SLC30A1: variants seen among roughly 807,000 people sequenced by gnomAD.
SLC30A1 encodes proton-coupled zinc antiporter SLC30A1.
In SLC30A1, 7 loss-of-function variants were observed where a neutral mutation model predicts 29.8. That is an observed-to-expected ratio of 0.23 (90% CI 0.13 to 0.44). SLC30A1 has a LOEUF of 0.44. Among genes scored for constraint, SLC30A1 ranks in the 20% least tolerant of loss-of-function variants. The pLI is 1.00. For synonymous variants in SLC30A1, 254 were observed against 253.5 expected (o/e 1.00, Z -0.02); for missense variants, 446 against 647.9 (o/e 0.69, Z 3.38).
At position 211,571,706 on chromosome 1, in the gene SLC30A1, T is replaced by C. The variant is rs41283134; in HGVS notation, c.*3682A>G. The C allele has an allele frequency of 2.6e-5, 4 of 152,176 alleles. No homozygotes were observed. Among genetic ancestry groups the C allele is most frequent in the Non-Finnish European group, 5.9e-5 (4 of 67,966 alleles). The allele number at this position is 152,176 out of a possible 1,614,324, so 9.4% of individuals were successfully genotyped here. ...GTGAGGTAGGAACAGCTTTGGAAAA[T>C]AACACACAGTCATGAAAACATACAA... On this transcript the variant is annotated 3_prime_UTR_variant, in exon 2 of 2. Coordinates refer to ENST00000367001, the MANE Select transcript of SLC30A1 (RefSeq NM_021194.3).
chr1:211,575,489 T>TG lies in SLC30A1; in HGVS notation c.1422dup (p.Asn475GlnfsTer10). The TG allele has an allele frequency of 6.2e-7, 1 of 1,614,208 alleles. No homozygotes were observed. The highest frequency in any genetic ancestry group is 8.5e-7 in the Non-Finnish European group (1 of 1,179,986). On this transcript the variant is annotated frameshift_variant, in exon 2 of 2. Coordinates refer to ENST00000367001, the MANE Select transcript of SLC30A1 (RefSeq NM_021194.3). LOFTEE classifies it high-confidence loss of function. The surrounding 1 kb of genome is among the most constrained non-coding windows in gnomAD (Gnocchi z 6.0). ...GTCCTCCTGGGCTTCTTCTCTAGAT[T>TG]GTTACTAAGTTCTAAACAAGAAATG...
At chr1:211,576,366 T>C in intron 1 of SLC30A1, 77 bp from the exon 2 acceptor site, 1 of 1,026,064 alleles carries the variant, frequency 9.7e-7, no homozygotes, top group Non-Finnish European at 1.4e-6. Flanking sequence ...TCTTTTTAAG[T>C]GGTGATGAAG....
chr1:211,578,433 G>A lies in SLC30A1; in HGVS notation c.180C>T (p.Phe60=). The A allele has an allele frequency of 1.2e-6, 2 of 1,612,300 alleles. No individual in the cohort carries two copies. ...ALVVALVAER[F]ARRTHATQKN... ...TCTGGGTGGCGTGGGTCCGCCGGGC[G>A]AAGCGCTCGGCCACCAGCGCCACCA... is the stretch of plus-strand genomic sequence containing the variant. The change falls in exon 1 of 2, where the codon TTC becomes TTT. Residue 60 remains phenylalanine (F), a synonymous_variant. Transcript: ENST00000367001.
In SLC30A1 at chr1:211,577,961, C is replaced by A; in HGVS notation, c.622+30G>T. The A allele has an allele frequency of 6.2e-7, 1 of 1,611,216 alleles. No homozygotes were observed. Among genetic ancestry groups the A allele is most frequent in the Non-Finnish European group, 8.5e-7 (1 of 1,179,398 alleles). Reference sequence around the variant, plus strand: ...GAGGCTCTGGGCACCCCAAACCCAACCACCTGCGGCAGCGACTTTCCCGGC... The same window carrying A: ...GAGGCTCTGGGCACCCCAAACCCAAACACCTGCGGCAGCGACTTTCCCGGC... On this transcript the variant is annotated intron_variant, in intron 1 of 1. Coordinates refer to ENST00000367001, the MANE Select transcript of SLC30A1 (RefSeq NM_021194.3). This position sits in a 1 kb window ranked among gnomAD's most constrained non-coding sequence, Gnocchi z 4.5.
At position 211,576,080 on chromosome 1, in the gene SLC30A1, C is replaced by T; in HGVS notation, c.832G>A (p.Glu278Lys). The T allele has an allele frequency of 6.2e-7, 1 of 1,613,246 alleles. No individual in the cohort carries two copies. The highest frequency in any genetic ancestry group is 8.5e-7 in the Non-Finnish European group (1 of 1,179,704). ...VFYFSWKGCS[E>K]GDFCVNPCFP... ...CATGGATTCACACAAAAATCCCCTT[C>T]AGAACAACCTTTCCAAGAAAAGTAA... Residue 278 changes from glutamate to lysine, a missense_variant, in exon 2 of 2, where the codon GAA (glutamate) becomes AAA (lysine). This residue lies in a region of SLC30A1 where 187 missense variants were observed against 312.7 expected (regional missense o/e 0.60). Coordinates refer to ENST00000367001, the MANE Select transcript of SLC30A1 (RefSeq NM_021194.3).
At position 211,573,565 on chromosome 1, in the gene SLC30A1, T is replaced by G. The variant is rs1031134242; in HGVS notation, c.*1823A>C. On this transcript the variant is annotated 3_prime_UTR_variant, in exon 2 of 2. Transcript: ENST00000367001. ...GTTCTGTAAAGTATTAAATCAGGAA[T>G]GTACATGATACAGTACAATTCACAG... The G allele has an allele frequency of 2.0e-4, 30 of 152,074 alleles. No homozygotes were observed. The highest frequency in any genetic ancestry group is 7.2e-4 in the African/African-American group (30 of 41,452). The allele number at this position is 152,074 out of a possible 1,614,324, so 9.4% of individuals were successfully genotyped here.
rs1370971283 is a variant in SLC30A1 at position 211,578,984 on chromosome 1, C to T, written c.-372G>A. Among the ~76,000 whole-genome samples, 2 of 152,138 alleles carry T rather than the reference C, an allele frequency of 1.3e-5. No individual in the cohort carries two copies. Among genetic ancestry groups the T allele is most frequent in the Non-Finnish European group, 2.9e-5 (2 of 67,986 alleles). ...AGCCGGAGCAGGAGCAGGAGGGCGG[C>T]GGGCGAGGGCGGCAGGAGAGGGCGA... is the stretch of plus-strand genomic sequence containing the variant. On this transcript the variant is annotated 5_prime_UTR_variant, in exon 1 of 2. Transcript: ENST00000367001.
In SLC30A1 at chr1:211,578,646, G is replaced by A. The variant is rs768948793; in HGVS notation, c.-34C>T. The A allele has an allele frequency of 1.3e-6, 2 of 1,493,512 alleles. No homozygotes were observed. Among genetic ancestry groups the A allele is most frequent in the East Asian group, 2.4e-5 (1 of 40,968 alleles). 92.5% of individuals were successfully genotyped at this position (1,493,512 alleles called of 1,614,324 possible). ...CTGCGGGGCCCGCCGAGCCCGGCCC[G>A]GAGACTGGTGCAGCGGCGGCGTTGG... is the stretch of plus-strand genomic sequence containing the variant. On this transcript the variant is annotated 5_prime_UTR_variant, in exon 1 of 2. Coordinates refer to ENST00000367001, the MANE Select transcript of SLC30A1 (RefSeq NM_021194.3).
At position 211,575,351 on chromosome 1, in the gene SLC30A1, T is replaced by C. The variant is rs773395015; in HGVS notation, c.*37A>G. On this transcript the variant is annotated 3_prime_UTR_variant, in exon 2 of 2. Transcript: ENST00000367001. This position sits in a 1 kb window ranked among gnomAD's most constrained non-coding sequence, Gnocchi z 6.0. ...AGTGGAGTCTTTTTCCTCTTGCAGT[T>C]TAAAGCAAAAGTCAAATATCACATC... The C allele has an allele frequency of 6.6e-6, 10 of 1,522,630 alleles. No individual in the cohort carries two copies. Among genetic ancestry groups the C allele is most frequent in the Non-Finnish European group, 8.8e-6 (10 of 1,136,040 alleles). The allele number at this position is 1,522,630 out of a possible 1,614,324, so 94.3% of individuals were successfully genotyped here. A position where few individuals can be genotyped will look rare whatever the true frequency, so the allele number is the denominator to read the frequency against.
rs564579200 is a variant in SLC30A1 at position 211,572,828 on chromosome 1, A to T, written c.*2560T>A. 6.6e-6 allele frequency: 1 copy of T among 152,118 alleles called. No homozygotes were observed. The highest frequency in any genetic ancestry group is 1.5e-5 in the Non-Finnish European group (1 of 67,946). The allele number at this position is 152,118 out of a possible 1,614,324, so 9.4% of individuals were successfully genotyped here. On this transcript the variant is annotated 3_prime_UTR_variant, in exon 2 of 2. Transcript: ENST00000367001. ...AAAATTTCTTGGTTTTAATTCAGGC[A>T]CATGCAGCACCTCCTTTTCACTAAA...
chr1:211,575,554 G>C lies in SLC30A1; in HGVS notation c.1358C>G (p.Ala453Gly). The C allele has an allele frequency of 1.9e-6, 3 of 1,614,112 alleles. No individual in the cohort carries two copies. Among genetic ancestry groups the C allele is most frequent in the Non-Finnish European group, 2.5e-6 (3 of 1,180,012 alleles). ...LKQCCGTLPQAPSGKDAEKTP... is the reference protein window; with the variant it reads ...LKQCCGTLPQGPSGKDAEKTP... ...CTTTTCTGCATCCTTTCCAGAAGGGGCTTGTGGTAGTGTCCCACAACATTG... is the reference window on the plus strand; with the variant it reads ...CTTTTCTGCATCCTTTCCAGAAGGGCCTTGTGGTAGTGTCCCACAACATTG... Residue 453 changes from alanine (A) to glycine (G), a missense_variant, in exon 2 of 2, where the codon GCC becomes GGC. Physicochemically the swap from Ala to Gly is moderately conservative, Grantham distance 60. This residue lies in a region of SLC30A1 where 187 missense variants were observed against 312.7 expected (regional missense o/e 0.60). Transcript: ENST00000367001. The surrounding 1 kb of genome is among the most constrained non-coding windows in gnomAD (Gnocchi z 6.0).
Position 211,574,032 on chromosome 1 carries a change from T to C in SLC30A1, c.*1356A>G, listed in dbSNP as rs950187800. ...AGCTATAAAAGTAGTCAGAATACCTTGTTTCTAGAAAAATAGAGCTATACA... is the reference window on the plus strand; with the variant it reads ...AGCTATAAAAGTAGTCAGAATACCTCGTTTCTAGAAAAATAGAGCTATACA... On this transcript the variant is annotated 3_prime_UTR_variant, in exon 2 of 2. Transcript: ENST00000367001. The C allele has an allele frequency of 5.2e-5, 8 of 152,548 alleles. No individual in the cohort carries two copies. Among genetic ancestry groups the C allele is most frequent in the African/African-American group, 1.9e-4 (8 of 41,446 alleles). 9.4% of individuals were successfully genotyped at this position (152,548 alleles called of 1,614,324 possible).
In SLC30A1 at chr1:211,574,139, C is replaced by T. The variant is rs1706689663; in HGVS notation, c.*1249G>A. ...ATACCCTCTATCAAGAAAAATATAA[C>T]TTAAACACCCTTAAATATTTGTGTT... is the stretch of plus-strand genomic sequence containing the variant. On this transcript the variant is annotated 3_prime_UTR_variant, in exon 2 of 2. Transcript: ENST00000367001. 1 of 152,122 alleles carries T rather than the reference C, an allele frequency of 6.6e-6. No individual in the cohort carries two copies. The highest frequency in any genetic ancestry group is 2.4e-5 in the African/African-American group (1 of 41,432). The allele number at this position is 152,122 out of a possible 1,614,324, so 9.4% of individuals were successfully genotyped here.
rs1423601331 is a variant in SLC30A1, at chr1:211,573,174, C to CA, written c.*2213dup. 6.6e-6 allele frequency: 1 copy of CA among 151,968 alleles called. No individual in the cohort carries two copies. Among genetic ancestry groups the CA allele is most frequent in the Non-Finnish European group, 1.5e-5 (1 of 67,874 alleles). 9.4% of individuals were successfully genotyped at this position (151,968 alleles called of 1,614,324 possible). On this transcript the variant is annotated 3_prime_UTR_variant, in exon 2 of 2. Transcript: ENST00000367001. ...AAATAAATAATTCTCTGCTAAAACT[C>CA]AAAAGGTGAGTCAGTGCCCACTGTT...
At chr1:211,576,507 C>A (rs1331160747) in intron 1 of SLC30A1, among the ~76,000 whole-genome samples, 4 of 152,156 alleles carry the variant, frequency 2.6e-5, no homozygotes, top group African/African-American at 9.7e-5. Flanking sequence ...TGCTTCTTCA[C>A]CCTCCTAACC....
Position 211,577,886 on chromosome 1 carries a change from G to C in SLC30A1, c.622+105C>G, listed in dbSNP as rs531608748. The C allele has an allele frequency of 1.0e-3, 1,492 of 1,471,300 alleles. 1 individual carries two copies. The highest frequency in any genetic ancestry group is 1.5e-3 in the Admixed American group (74 of 48,930). 91.1% of individuals were successfully genotyped at this position (1,471,300 alleles called of 1,614,324 possible). The stretch of plus-strand genomic sequence containing the variant: ...AGCAGGCAGGGGCGGCGCGGCGCAG[G>C]CCCGCTCGGGCAGCAGGGGGCGTGC... On this transcript the variant is annotated intron_variant, in intron 1 of 1. Coordinates refer to ENST00000367001, the MANE Select transcript of SLC30A1 (RefSeq NM_021194.3). The surrounding 1 kb of genome is among the most constrained non-coding windows in gnomAD (Gnocchi z 4.5).
Position 211,572,015 on chromosome 1 carries a change from AC to A in SLC30A1, c.*3372del, listed in dbSNP as rs1170518164. 1 of 152,150 alleles carries A rather than the reference AC, an allele frequency of 6.6e-6. No individual in the cohort carries two copies. The highest frequency in any genetic ancestry group is 1.9e-4 in the East Asian group (1 of 5,202). 9.4% of individuals were successfully genotyped at this position (152,150 alleles called of 1,614,324 possible). A position where few individuals can be genotyped will look rare whatever the true frequency, so the allele number is the denominator to read the frequency against. On this transcript the variant is annotated 3_prime_UTR_variant, in exon 2 of 2. Coordinates refer to ENST00000367001, the MANE Select transcript of SLC30A1 (RefSeq NM_021194.3). ...CCTCCAGCATCTTTTTGCCAAAGAC[AC>A]TGGACCATAAAATTTTTGGTTTAAA...
Position 211,578,719 on chromosome 1 carries a change from G to A in SLC30A1, c.-107C>T. Reference sequence around the variant, plus strand: ...CGCGACACGGAGGAGCGCCCGAGTCGGGCCGTTCGGGAAACCGCTGAGGGG... The same window carrying A: ...CGCGACACGGAGGAGCGCCCGAGTCAGGCCGTTCGGGAAACCGCTGAGGGG... On this transcript the variant is annotated 5_prime_UTR_variant, in exon 1 of 2. Coordinates refer to ENST00000367001, the MANE Select transcript of SLC30A1 (RefSeq NM_021194.3). 2.5e-6 allele frequency: 3 copies of A among 1,209,396 alleles called. No individual in the cohort carries two copies. The highest frequency in any genetic ancestry group is 3.2e-6 in the Non-Finnish European group (3 of 924,778). The allele number at this position is 1,209,396 out of a possible 1,614,324, so 74.9% of individuals were successfully genotyped here.
In SLC30A1 at chr1:211,577,956, C is replaced by A; in HGVS notation, c.622+35G>T. ...CAGGCGAGGCTCTGGGCACCCCAAA[C>A]CCAACCACCTGCGGCAGCGACTTTC... On this transcript the variant is annotated intron_variant, in intron 1 of 1. Transcript: ENST00000367001. This position sits in a 1 kb window ranked among gnomAD's most constrained non-coding sequence, Gnocchi z 4.5. 6.2e-7 allele frequency: 1 copy of A among 1,610,554 alleles called. No individual in the cohort carries two copies. The highest frequency in any genetic ancestry group is 8.5e-7 in the Non-Finnish European group (1 of 1,179,226).
Sources: allele counts gnomAD v4.1 joint callset (sites outside exome capture counted in the v4.1 genomes callset), GRCh38; gene constraint gnomAD v4.1.1; regional missense constraint gnomAD v4.1.1; non-coding constraint Gnocchi (gnomAD v3.1); transcripts MANE v1.5; gene names NCBI Gene and HGNC (gene_info 2026-07-23, HGNC 2026-07-21).